GPC5: variants seen among roughly 807,000 people sequenced by gnomAD.
GPC5 encodes the protein glypican 5, also known as glypican-5.
In GPC5, 47 loss-of-function variants were observed where a neutral mutation model predicts 53.9. The ratio of observed to expected loss-of-function variants is 0.87; its 90% confidence interval spans 0.69 to 1.11. GPC5 has a LOEUF of 1.11. GPC5 is among the 50% of genes most tolerant of loss of function. The pLI is 0.00. For missense variants in GPC5, 748 were observed against 713.1 expected (o/e 1.05, Z -0.56); for synonymous variants, 286 against 263.3 (o/e 1.09, Z -0.84).
At position 91,449,010 on chromosome 13, in the gene GPC5, T is replaced by A. The variant is rs569231784; in HGVS notation, c.325+88T>A. ...TTACGTTGGCAAACTTGGCTGGGTTTATTTCCTTGTATTTACATAATATTC... is the reference window on the plus strand; with the variant it reads ...TTACGTTGGCAAACTTGGCTGGGTTAATTTCCTTGTATTTACATAATATTC... On this transcript the variant is annotated intron_variant, in intron 2 of 7. Coordinates refer to ENST00000377067, the MANE Select transcript of GPC5 (RefSeq NM_004466.6). 2.3e-6 allele frequency: 3 copies of A among 1,318,938 alleles called. No homozygotes were observed. In the South Asian group the frequency reaches 4.2e-5, roughly 19 times the overall value. The allele number at this position is 1,318,938 out of a possible 1,614,324, so 81.7% of individuals were successfully genotyped here. A position where few individuals can be genotyped will look rare whatever the true frequency, so the allele number is the denominator to read the frequency against.
intron 7 of GPC5, among the ~76,000 whole-genome samples, chr13:92,257,841 C>T (rs992095998): frequency 2.0e-5 from 3 of 151,970 alleles, no homozygotes; most frequent in South Asian, 2.1e-4. Context: ...TGAGCCACCA[C>T]GCCTGGCCTA....
chr13:92,459,770 A>G (rs1231186383), intron 7 of GPC5, among the ~76,000 whole-genome samples: 1 of 152,162 alleles, frequency 6.6e-6, no homozygotes, highest in Non-Finnish European at 1.5e-5. Context: ...CTATGTCAGC[A>G]ACTTGTTTTA....
chr13:92,613,657 T>TTATATATTTTATTA (rs201245723), intron 7 of GPC5, among the ~76,000 whole-genome samples: 1 of 137,010 alleles, frequency 7.3e-6, no homozygotes, highest in African/African-American at 2.7e-5. Context: ...TATATAATAT[T>TTATATATTTTATTA]TATATATTTT....
intron 7 of GPC5, among the ~76,000 whole-genome samples, chr13:92,808,927 C>T (rs1480977295): frequency 6.6e-6 from 1 of 152,118 alleles, no homozygotes; most frequent in African/African-American, 2.4e-5. Flanking sequence ...GCAGCCAGTG[C>T]ATTCTTCTAA....
intron 7 of GPC5, among the ~76,000 whole-genome samples, chr13:92,711,417 C>A (rs1458198971): frequency 6.6e-6 from 1 of 151,990 alleles, no homozygotes; most frequent in Non-Finnish European, 1.5e-5. Flanking sequence ...TTTAAATATA[C>A]CCATTTATCA....
At chr13:91,467,449 C>T (rs994085315) in intron 2 of GPC5, among the ~76,000 whole-genome samples, 2 of 152,078 alleles carry the variant, frequency 1.3e-5, no homozygotes, top group African/African-American at 4.8e-5. Flanking sequence ...AATCTGTGCT[C>T]ATATCCTTTC....
At chr13:92,172,876 T>C (rs2042080404) in intron 7 of GPC5, among the ~76,000 whole-genome samples, 2 of 151,828 alleles carry the variant, frequency 1.3e-5, no homozygotes, top group South Asian at 4.2e-4. Flanking sequence ...TCCATTCCTG[T>C]CCTTTTTATT....
intron 6 of GPC5, among the ~76,000 whole-genome samples, chr13:91,941,461 T>G (rs2039926428): frequency 6.6e-6 from 1 of 152,150 alleles, no homozygotes; most frequent in African/African-American, 2.4e-5. Context: ...TGAATCATCA[T>G]GCTTATTAAA....
rs184364773 is a variant in GPC5, at chr13:92,264,079, C to T, written c.1561+119090C>T. On this transcript the variant is annotated intron_variant, in intron 7 of 7. Coordinates refer to ENST00000377067, the MANE Select transcript of GPC5 (RefSeq NM_004466.6). Reference sequence around the variant, plus strand: ...CCCATAAATAAACATAATTATTTGTCATTTAAAAATAAAATTTTAAAAATA... The same window carrying T: ...CCCATAAATAAACATAATTATTTGTTATTTAAAAATAAAATTTTAAAAATA... Among the ~76,000 whole-genome samples the T allele has an allele frequency of 5.0e-3, 758 of 152,148 alleles. 4 individuals are homozygous for T. Among genetic ancestry groups the T allele is most frequent in the Non-Finnish European group, 8.7e-3 (592 of 67,986 alleles).
intron 6 of GPC5, among the ~76,000 whole-genome samples, chr13:92,130,324 G>A (rs546112544): frequency 6.6e-6 from 1 of 150,584 alleles, no homozygotes; most frequent in African/African-American, 2.5e-5. Context: ...ATTAGAGGAA[G>A]CAATGATGTT....
chr13:91,962,322 A>G (rs2040133696), intron 6 of GPC5, among the ~76,000 whole-genome samples: 1 of 152,184 alleles, frequency 6.6e-6, no homozygotes, highest in Admixed American at 6.5e-5. Flanking sequence ...GAGAAATCCC[A>G]AAGTTTTTTC....
intron 7 of GPC5, among the ~76,000 whole-genome samples, chr13:92,422,727 G>A (rs1181832700): frequency 1.3e-5 from 2 of 151,952 alleles, no homozygotes; most frequent in Non-Finnish European, 2.9e-5. Context: ...GTGGCTGGAG[G>A]CACTAATTCT....
chr13:92,338,774 A>G (rs567083746), intron 7 of GPC5, among the ~76,000 whole-genome samples: 1 of 152,208 alleles, frequency 6.6e-6, no homozygotes, highest in Admixed American at 6.6e-5. Flanking sequence ...GATGATTTAT[A>G]GGGAACTGAA....
chr13:92,600,511 CT>C (rs1373841952), intron 7 of GPC5, among the ~76,000 whole-genome samples: 52 of 150,688 alleles, frequency 3.5e-4, no homozygotes, highest in African/African-American at 1.3e-3. Flanking sequence ...TTCATTTATT[CT>C]TTAAGACGGA....
chr13:91,405,652 A>T (rs1374242016), intron 1 of GPC5, among the ~76,000 whole-genome samples: 1 of 152,166 alleles, frequency 6.6e-6, no homozygotes, highest in Non-Finnish European at 1.5e-5. Context: ...TGTGTACGTG[A>T]TGGAGACAGA....
chr13:91,925,065 C>T (rs1317725658), intron 6 of GPC5, among the ~76,000 whole-genome samples: 2 of 152,118 alleles, frequency 1.3e-5, no homozygotes, highest in South Asian at 4.2e-4. Context: ...GTGATCCGCC[C>T]GCCTCGGCCT....
chr13:92,665,528 C>T (rs1294137254), intron 7 of GPC5, among the ~76,000 whole-genome samples: 2 of 152,108 alleles, frequency 1.3e-5, no homozygotes, highest in Admixed American at 6.5e-5. Context: ...GCCATTATTT[C>T]TGCTTTCTCT....
At chr13:91,887,682 G>A (rs1043818903) in intron 5 of GPC5, among the ~76,000 whole-genome samples, 5 of 152,130 alleles carry the variant, frequency 3.3e-5, no homozygotes, top group Admixed American at 3.3e-4. Flanking sequence ...AGAGCAAAAT[G>A]CCACCAGTCT....
chr13:91,415,753 G>A (rs1401409624), intron 1 of GPC5, among the ~76,000 whole-genome samples: 2 of 143,418 alleles, frequency 1.4e-5, no homozygotes, highest in Admixed American at 1.4e-4. Context: ...GGGTGGGGGG[G>A]GTGGGGGCTT....
Sources: gnomAD v4.1 joint callset for allele counts (sites outside exome capture counted in the v4.1 genomes callset) on GRCh38, gnomAD v4.1.1 for gene constraint, MANE v1.5 for transcripts, NCBI Gene and HGNC (gene_info 2026-07-23, HGNC 2026-07-21) for gene names.